Variants in CPED1 observed in about 807,000 individuals in gnomAD.
CPED1 encodes cadherin-like and PC-esterase domain-containing protein 1.
A neutral mutation model predicts 128.2 loss-of-function variants in CPED1; 114 were observed. That is an observed-to-expected ratio of 0.89 (90% CI 0.76 to 1.04). The LOEUF (loss-of-function observed/expected upper bound fraction) is 1.04. CPED1 is among the 50% of genes least tolerant of loss of function. The probability of loss-of-function intolerance (pLI) is 0.00; values close to 1 mark genes in which losing one functional copy is unlikely to be tolerated. For synonymous variants in CPED1, 462 were observed against 426.7 expected, an observed-to-expected ratio of 1.08 and a Z score of -1.02; for missense variants, 1,211 against 1,207.1, an observed-to-expected ratio of 1.00 and a Z score of -0.05.
intron 7 of CPED1, among the ~76,000 whole-genome samples, chr7:121,112,956 G>A (rs542336272): frequency 1.4e-3 from 210 of 152,304 alleles, no homozygotes; most frequent in Non-Finnish European, 2.4e-3. Context: ...AACAAGAGAA[G>A]TGGGAAGTGG....
chr7:121,037,544 T>A (rs1037857608), intron 3 of CPED1, among the ~76,000 whole-genome samples: 1 of 152,218 alleles, frequency 6.6e-6, no homozygotes, highest in African/African-American at 2.4e-5. Context: ...GACTATGGCC[T>A]TATAGTATAG....
intron 22 of CPED1, among the ~76,000 whole-genome samples, chr7:121,283,899 G>A (rs540070496): frequency 1.8e-4 from 27 of 152,216 alleles, no homozygotes; most frequent in South Asian, 4.1e-4. Flanking sequence ...TCCAAAGCCC[G>A]GGCTCCAATG....
At chr7:121,027,016 T>C (rs1471388920) in intron 3 of CPED1, among the ~76,000 whole-genome samples, 1 of 151,246 alleles carries the variant, frequency 6.6e-6, no homozygotes, top group Non-Finnish European at 1.5e-5. Flanking sequence ...TTTTTTTTTT[T>C]TTTTGTAGAG....
At chr7:121,135,828 T>C (rs1377996120) in intron 13 of CPED1, among the ~76,000 whole-genome samples, 2 of 152,038 alleles carry the variant, frequency 1.3e-5, no homozygotes, top group East Asian at 3.9e-4. Flanking sequence ...TTTTCTCTCT[T>C]AATATTTTTC....
At chr7:121,158,253 A>G (rs1796336328) in intron 16 of CPED1, among the ~76,000 whole-genome samples, 1 of 152,216 alleles carries the variant, frequency 6.6e-6, no homozygotes, top group Non-Finnish European at 1.5e-5. Context: ...GACTGAGGCA[A>G]TAGTGGTACA....
chr7:121,083,198 T>C (rs1371539297), intron 5 of CPED1, among the ~76,000 whole-genome samples: 2 of 152,150 alleles, frequency 1.3e-5, no homozygotes, highest in African/African-American at 4.8e-5. Flanking sequence ...GCAAACCATC[T>C]ACAGCCTTTC....
At chr7:121,000,211 G>T (rs1791800577) in intron 2 of CPED1, among the ~76,000 whole-genome samples, 1 of 152,118 alleles carries the variant, frequency 6.6e-6, no homozygotes, top group Non-Finnish European at 1.5e-5. Flanking sequence ...CTCACTAAAA[G>T]AATGAGCTCA....
At chr7:121,117,519 T>C (rs1563032304) in intron 7 of CPED1, among the ~76,000 whole-genome samples, 1 of 152,182 alleles carries the variant, frequency 6.6e-6, no homozygotes, top group Non-Finnish European at 1.5e-5. Flanking sequence ...CTTCTATTGT[T>C]AAAAATCTGA....
intron 7 of CPED1, among the ~76,000 whole-genome samples, chr7:121,105,556 G>C (rs1464906687): frequency 6.6e-6 from 1 of 152,058 alleles, no homozygotes; most frequent in East Asian, 1.9e-4. Flanking sequence ...TTTGTAAAAA[G>C]AGTTGACGTA....
intron 2 of CPED1, among the ~76,000 whole-genome samples, chr7:120,999,546 G>A (rs1791768668): frequency 6.6e-6 from 1 of 151,860 alleles, no homozygotes; most frequent in South Asian, 2.1e-4. Context: ...ACCTAAAATT[G>A]AGCCATTCCT....
At chr7:121,192,987 T>A (rs1797180699) in intron 16 of CPED1, among the ~76,000 whole-genome samples, 1 of 152,172 alleles carries the variant, frequency 6.6e-6, no homozygotes. Context: ...CCACAGTGCT[T>A]TCAAAACCTA....
chr7:121,256,446 G>T (rs910858648), intron 18 of CPED1, among the ~76,000 whole-genome samples: 3 of 151,968 alleles, frequency 2.0e-5, no homozygotes, highest in African/African-American at 7.2e-5. Flanking sequence ...ATGTATTAAA[G>T]ATTTAAATGT....
In CPED1 at chr7:121,091,356, G is replaced by A. The variant is rs79338318; in HGVS notation, c.617-6343G>A. 5.9e-3 allele frequency among the ~76,000 whole-genome samples: 898 copies of A among 152,276 alleles called. 7 individuals carry two copies. Among genetic ancestry groups the A allele is most frequent in the African/African-American group, 0.02 (849 of 41,560 alleles). On this transcript the variant is annotated intron_variant, in intron 5 of 22. Transcript: ENST00000310396. ...GTGTGTCTTTACAGGCCATGTATAAGTAAAGATACTGTGTTTTATTTTGGT... is the reference window on the plus strand; with the variant it reads ...GTGTGTCTTTACAGGCCATGTATAAATAAAGATACTGTGTTTTATTTTGGT...
At position 121,240,808 on chromosome 7, in the gene CPED1, A is replaced by G. The variant is rs957157857; in HGVS notation, c.2174-3394A>G. Among the ~76,000 whole-genome samples, 4 of 143,044 alleles carry G rather than the reference A, an allele frequency of 2.8e-5. No homozygotes were observed. The East Asian group carries it at 8.4e-4, about 30-fold the overall frequency. 93.8% of individuals were successfully genotyped at this position (143,044 alleles called of 152,430 possible). Reference sequence around the variant, plus strand: ...GACGGGGAAGGGAGGGAGAAAGGACACACTCTAAGGCCTCTTCTGACTCCA... The same window carrying G: ...GACGGGGAAGGGAGGGAGAAAGGACGCACTCTAAGGCCTCTTCTGACTCCA... On this transcript the variant is annotated intron_variant, in intron 17 of 22. Transcript: ENST00000310396.
chr7:121,150,826 T>C (rs1233343207), intron 16 of CPED1, among the ~76,000 whole-genome samples: 4 of 152,012 alleles, frequency 2.6e-5, no homozygotes, highest in Admixed American at 6.6e-5. Flanking sequence ...TGGAGTGCAA[T>C]GGCACAGTCT....
intron 16 of CPED1, among the ~76,000 whole-genome samples, chr7:121,202,042 C>T (rs1372446948): frequency 6.6e-6 from 1 of 152,076 alleles, no homozygotes; most frequent in African/African-American, 2.4e-5. Flanking sequence ...GGATACATTT[C>T]AGAGAATAAT....
chr7:121,072,265 T>C (rs994392910), intron 5 of CPED1, among the ~76,000 whole-genome samples: 10 of 150,574 alleles, frequency 6.6e-5, no homozygotes, highest in East Asian at 1.9e-4. Context: ...CTTACTAAAA[T>C]AGAAAAAATA....
At chr7:120,995,693 A>G (rs559712671) in intron 2 of CPED1, among the ~76,000 whole-genome samples, 1 of 151,876 alleles carries the variant, frequency 6.6e-6, no homozygotes, top group Non-Finnish European at 1.5e-5. Context: ...CCCAACCACC[A>G]TTTTCCTAGA....
chr7:121,041,608 G>A (rs1793054376), intron 3 of CPED1, among the ~76,000 whole-genome samples: 1 of 152,086 alleles, frequency 6.6e-6, no homozygotes, highest in Non-Finnish European at 1.5e-5. Context: ...ATCAGCGAAG[G>A]AGGTCATTTG....
Sources: allele counts gnomAD v4.1 joint callset (sites outside exome capture counted in the v4.1 genomes callset), GRCh38; gene constraint gnomAD v4.1.1; transcripts MANE v1.5; gene names NCBI Gene and HGNC (gene_info 2026-07-23, HGNC 2026-07-21).